The following CRTC3 variants were observed in gnomAD, a reference collection of about 807,000 sequenced individuals.
CRTC3 encodes CREB regulated transcription coactivator 3.
In CRTC3, 26 loss-of-function variants were observed where a neutral mutation model predicts 74.5. That is an observed-to-expected ratio of 0.35 (90% CI 0.26 to 0.48). The LOEUF (loss-of-function observed/expected upper bound fraction) is 0.48. CRTC3 is among the 20% of genes least tolerant of loss of function. The pLI, the probability that CRTC3 is intolerant of heterozygous loss-of-function variation, is 0.99. For missense variants in CRTC3, 760 were observed against 787.3 expected, an observed-to-expected ratio of 0.97 and a Z score of 0.41; for synonymous variants, 377 against 325.8, an observed-to-expected ratio of 1.16 and a Z score of -1.69.
intron 3 of CRTC3, chr15:90,598,541 G>T: frequency 1.4e-6 from 1 of 702,346 alleles, no homozygotes; most frequent in Admixed American, 2.0e-5. Flanking sequence ...GGCTTGGGGA[G>T]AGAGAGAACA....
intron 14 of CRTC3, among the ~76,000 whole-genome samples, chr15:90,641,425 C>T (rs1233286682): frequency 6.6e-6 from 1 of 152,136 alleles, no homozygotes; most frequent in Non-Finnish European, 1.5e-5. Context: ...TGGCCCAGTG[C>T]GGTGGCTCAC....
chr15:90,588,096 A>T (rs1046417806), intron 2 of CRTC3, among the ~76,000 whole-genome samples: 4 of 151,564 alleles, frequency 2.6e-5, no homozygotes, highest in Admixed American at 6.6e-5. Context: ...ACATAAAAAT[A>T]AAAAAATTAA....
Position 90,643,122 on chromosome 15 carries a change from G to C in CRTC3, c.*982G>C. On this transcript the variant is annotated 3_prime_UTR_variant, in exon 15 of 15. Coordinates refer to ENST00000268184, the MANE Select transcript of CRTC3 (RefSeq NM_022769.5). ...CGTAAGCTCCTTGAGGGCAGGGACAGTGCCTTATCATTGTTGAACCCGTAG... is the reference window on the plus strand; with the variant it reads ...CGTAAGCTCCTTGAGGGCAGGGACACTGCCTTATCATTGTTGAACCCGTAG... The C allele has an allele frequency of 4.3e-6, 1 of 232,348 alleles. No individual in the cohort carries two copies. 14.4% of individuals were successfully genotyped at this position (232,348 alleles called of 1,614,324 possible). A position where few individuals can be genotyped will look rare whatever the true frequency, so the allele number is the denominator to read the frequency against.
chr15:90,566,179 T>C (rs1186422426), intron 2 of CRTC3, among the ~76,000 whole-genome samples: 2 of 152,174 alleles, frequency 1.3e-5, no homozygotes, highest in Non-Finnish European at 2.9e-5. Context: ...TTCTGTTCTA[T>C]GAAGACTGAG....
intron 3 of CRTC3, among the ~76,000 whole-genome samples, chr15:90,599,969 C>T (rs529038114): frequency 6.6e-6 from 1 of 152,144 alleles, no homozygotes; most frequent in Non-Finnish European, 1.5e-5. Flanking sequence ...TGTTTCCTCC[C>T]TAATGGCTTT....
chr15:90,633,230 G>A (rs1212108416), intron 11 of CRTC3, among the ~76,000 whole-genome samples: 1 of 146,392 alleles, frequency 6.8e-6, no homozygotes, highest in Non-Finnish European at 1.5e-5. Flanking sequence ...TATTAGCCTG[G>A]TTATCTATAT....
intron 2 of CRTC3, among the ~76,000 whole-genome samples, chr15:90,553,949 T>C (rs780202990): frequency 2.2e-4 from 33 of 152,194 alleles, no homozygotes; most frequent in Non-Finnish European, 4.0e-4. Flanking sequence ...GCAGAAGCTT[T>C]AGGGCAGTAC....
At chr15:90,543,187 C>A (rs559074982) in intron 2 of CRTC3, among the ~76,000 whole-genome samples, 2 of 146,922 alleles carry the variant, frequency 1.4e-5, no homozygotes, top group South Asian at 4.3e-4. Flanking sequence ...GTCCCAGCTA[C>A]TTGGGAAGCC....
At chr15:90,596,178 C>T in intron 3 of CRTC3, 1 of 152,210 alleles carries the variant, frequency 6.6e-6, no homozygotes, top group Non-Finnish European at 1.5e-5. Context: ...AGGCATACTT[C>T]CTGCTTTCTT....
At chr15:90,531,746 G>T (rs1027670948) in intron 1 of CRTC3, among the ~76,000 whole-genome samples, 6 of 152,152 alleles carry the variant, frequency 3.9e-5, no homozygotes, top group Non-Finnish European at 7.3e-5. Flanking sequence ...GTTGGGGCCT[G>T]TGTTGTTATG....
intron 6 of CRTC3, among the ~76,000 whole-genome samples, chr15:90,608,509 G>C (rs1055196795): frequency 6.6e-6 from 1 of 152,188 alleles, no homozygotes; most frequent in Non-Finnish European, 1.5e-5. Flanking sequence ...GCTTGTGTGT[G>C]TCCTCATGTC....
intron 2 of CRTC3, among the ~76,000 whole-genome samples, chr15:90,583,764 T>C (rs1484259679): frequency 6.6e-6 from 1 of 152,182 alleles, no homozygotes; most frequent in Non-Finnish European, 1.5e-5. Context: ...TGGGGGCTGC[T>C]GTCAGAGAGG....
chr15:90,565,328 T>G (rs1967100708), intron 2 of CRTC3, among the ~76,000 whole-genome samples: 1 of 152,182 alleles, frequency 6.6e-6, no homozygotes, highest in African/African-American at 2.4e-5. Flanking sequence ...TCGTGAGGAT[T>G]AAACGAGATA....
rs966803755 is a variant in CRTC3, at chr15:90,643,503, A to G, written c.*1363A>G. On this transcript the variant is annotated 3_prime_UTR_variant, in exon 15 of 15. Transcript: ENST00000268184. ...TCCTGGCTGGGCCCCACCCAGGAAGATCTTCCTTCTCAGATCCACGTTTGG... is the reference window on the plus strand; with the variant it reads ...TCCTGGCTGGGCCCCACCCAGGAAGGTCTTCCTTCTCAGATCCACGTTTGG... 3.9e-5 allele frequency: 9 copies of G among 229,134 alleles called. No individual in the cohort carries two copies. Among genetic ancestry groups the G allele is most frequent in the Non-Finnish European group, 7.8e-5 (9 of 115,578 alleles). 14.2% of individuals were successfully genotyped at this position (229,134 alleles called of 1,614,324 possible).
intron 3 of CRTC3, chr15:90,593,966 A>G (rs917678941): frequency 6.9e-6 from 3 of 437,768 alleles, no homozygotes; most frequent in African/African-American, 5.9e-5. Flanking sequence ...GCATCAATAA[A>G]GTTCAGTTTA....
chr15:90,601,910 C>T (rs1340048624), intron 3 of CRTC3, among the ~76,000 whole-genome samples: 1 of 152,126 alleles, frequency 6.6e-6, no homozygotes, highest in Non-Finnish European at 1.5e-5. Context: ...CTCAAAAGCA[C>T]TCTCCTTGGT....
rs571671636 is a variant in CRTC3, at chr15:90,644,962, G to T, written c.*2822G>T. The T allele has an allele frequency of 8.6e-6, 2 of 232,428 alleles. No individual in the cohort carries two copies. Among genetic ancestry groups the T allele is most frequent in the East Asian group, 6.1e-5 (1 of 16,460 alleles). The allele number at this position is 232,428 out of a possible 1,614,324, so 14.4% of individuals were successfully genotyped here. A position where few individuals can be genotyped will look rare whatever the true frequency, so the allele number is the denominator to read the frequency against. On this transcript the variant is annotated 3_prime_UTR_variant, in exon 15 of 15. Transcript: ENST00000268184. ...TATGGTTGTGGGTTTTAGGACATAGGGGGTTAGGAGAAGGGGTTTCTTGAT... is the reference window on the plus strand; with the variant it reads ...TATGGTTGTGGGTTTTAGGACATAGTGGGTTAGGAGAAGGGGTTTCTTGAT...
chr15:90,602,515 T>G, intron 4 of CRTC3, 130 bp downstream of exon 4: 1 of 617,988 alleles, frequency 1.6e-6, no homozygotes, highest in Admixed American at 3.0e-5. Context: ...CTTATAACAT[T>G]TAATTTCAGT....
intron 11 of CRTC3, among the ~76,000 whole-genome samples, chr15:90,631,779 C>T (rs995910560): frequency 1.2e-4 from 18 of 151,830 alleles, no homozygotes; most frequent in African/African-American, 4.4e-4. Flanking sequence ...ATAGGGTCTC[C>T]CTATGTTTTC....
Sources: allele counts gnomAD v4.1 joint callset (sites outside exome capture counted in the v4.1 genomes callset), GRCh38; gene constraint gnomAD v4.1.1; transcripts MANE v1.5; gene names NCBI Gene and HGNC (gene_info 2026-07-23, HGNC 2026-07-21).